DHX29: variants seen among roughly 807,000 people sequenced by gnomAD.
DHX29 encodes the protein DExH-box helicase 29.
DHX29 carries 79 observed loss-of-function variants against 167.9 expected under a neutral mutation model. The ratio of observed to expected loss-of-function variants is 0.47; its 90% confidence interval spans 0.39 to 0.57. DHX29 has a LOEUF of 0.57. Ranked by LOEUF, DHX29 falls within the 20% of genes least tolerant of loss-of-function variation. The pLI is 0.00. For missense variants in DHX29, 1,347 were observed against 1,593.4 expected, an observed-to-expected ratio of 0.85 and a Z score of 2.63; for synonymous variants, 530 against 546.0, an observed-to-expected ratio of 0.97 and a Z score of 0.41.
chr5:55,297,823 A>C (rs529072342), intron 2 of DHX29, among the ~76,000 whole-genome samples: 2 of 152,322 alleles, frequency 1.3e-5, no homozygotes, highest in South Asian at 4.1e-4. Flanking sequence ...TGAAAACTAA[A>C]TATGTCGTAA....
intron 1 of DHX29, among the ~76,000 whole-genome samples, chr5:55,301,737 C>T (rs867223670): frequency 1.1e-5 from 1 of 94,294 alleles, no homozygotes; most frequent in Non-Finnish European, 2.2e-5. Flanking sequence ...AAAAAAAAAA[C>T]AAGAATGATT....
At chr5:55,278,594 CAGTAAGA>C (rs1237911148) in intron 12 of DHX29, among the ~76,000 whole-genome samples, 1 of 152,070 alleles carries the variant, frequency 6.6e-6, no homozygotes, top group African/African-American at 2.4e-5. Context: ...GTTTTCAGTG[CAGTAAGA>C]AGATACTGTA....
At chr5:55,282,327 G>A (rs1367167237) in intron 11 of DHX29, among the ~76,000 whole-genome samples, 2 of 152,154 alleles carry the variant, frequency 1.3e-5, no homozygotes, top group African/African-American at 4.8e-5. Flanking sequence ...CATACTAGGA[G>A]TGCCTAGCGG....
intron 1 of DHX29, among the ~76,000 whole-genome samples, chr5:55,303,333 G>A (rs1321679849): frequency 6.6e-6 from 1 of 152,138 alleles, no homozygotes; most frequent in Admixed American, 6.5e-5. Context: ...GGACTCTGGT[G>A]GTAAACAGAC....
At chr5:55,280,054 T>C (rs1329777144) in intron 12 of DHX29, among the ~76,000 whole-genome samples, 1 of 152,176 alleles carries the variant, frequency 6.6e-6, no homozygotes, top group Non-Finnish European at 1.5e-5. Context: ...CAATTCCTAA[T>C]AGTAAGGCCA....
chr5:55,281,261 G>A (rs1463851496), intron 12 of DHX29, 111 bp downstream of exon 12: 1 of 813,732 alleles, frequency 1.2e-6, no homozygotes, highest in East Asian at 3.5e-5. Flanking sequence ...TATATATAAG[G>A]TATATAATAA....
At chr5:55,285,249 A>G in intron 10 of DHX29, 44 bp downstream of exon 10, 1 of 1,590,140 alleles carries the variant, frequency 6.3e-7, no homozygotes, top group Non-Finnish European at 8.6e-7. Flanking sequence ...ATAATTAAAT[A>G]CTGCCTTCCA....
intron 1 of DHX29, 126 bp from the exon 2 acceptor site, chr5:55,298,790 G>C: frequency 2.4e-6 from 1 of 423,824 alleles, no homozygotes; most frequent in South Asian, 2.8e-5. Context: ...CAGCACTTTG[G>C]GAGGCCGAGG....
In DHX29 at chr5:55,269,633, C is replaced by A. The variant is rs1319664129; in HGVS notation, c.3074G>T (p.Cys1025Phe). ...GAAATCTTCAGGAGAACCAAGATTACATTTCTGCAGATTAAAAAAGCAATA... is the reference window on the plus strand; with the variant it reads ...GAAATCTTCAGGAGAACCAAGATTAAATTTCTGCAGATTAAAAAAGCAATA... ...LEELCLHIMK[C>F]NLGSPEDFLS... The change falls in exon 21 of 27, where the codon TGT (cysteine) becomes TTT (phenylalanine). Residue 1025 changes from cysteine (C) to phenylalanine (F), a missense_variant. Cys to Phe is a radical substitution (Grantham distance 205, BLOSUM62 -2). Around this residue, in one of 3 missense-constraint regions of DHX29, gnomAD observed 882 missense variants for 1,082.4 expected, o/e 0.81. Transcript: ENST00000251636. 6.2e-7 allele frequency: 1 copy of A among 1,611,902 alleles called. No individual in the cohort carries two copies. Among genetic ancestry groups the A allele is most frequent in the South Asian group, 1.1e-5 (1 of 91,032 alleles).
At chr5:55,288,309 T>C (rs1332589922) in intron 8 of DHX29, among the ~76,000 whole-genome samples, 2 of 151,866 alleles carry the variant, frequency 1.3e-5, no homozygotes, top group African/African-American at 4.8e-5. Context: ...ATACTATAAA[T>C]ATTATCTGAC....
chr5:55,278,469 G>A (rs1477952718), intron 12 of DHX29, among the ~76,000 whole-genome samples: 1 of 152,166 alleles, frequency 6.6e-6, no homozygotes, highest in Non-Finnish European at 1.5e-5. Flanking sequence ...TCACAGAGTT[G>A]TGACAATCAA....
chr5:55,270,494 A>T lies in DHX29; in HGVS notation c.2994-7T>A, dbSNP rs773095186. On this transcript the variant is annotated splice_polypyrimidine_tract_variant and splice_region_variant and intron_variant, in intron 19 of 26. Coordinates refer to ENST00000251636, the MANE Select transcript of DHX29 (RefSeq NM_019030.4). ...ATCCATAAAGCCTTCAAATCTGAAAAATAAAGTAATACTAAATACATATTA... is the reference window on the plus strand; with the variant it reads ...ATCCATAAAGCCTTCAAATCTGAAATATAAAGTAATACTAAATACATATTA... The T allele has an allele frequency of 4.2e-5, 68 of 1,613,180 alleles. No individual in the cohort carries two copies. The highest frequency in any genetic ancestry group is 5.7e-5 in the Non-Finnish European group (67 of 1,179,758).
chr5:55,281,301 G>A, intron 12 of DHX29, 71 bp downstream of exon 12: 1 of 1,284,756 alleles, frequency 7.8e-7, no homozygotes, highest in Non-Finnish European at 1.0e-6. Flanking sequence ...ATGTTATCTA[G>A]TATTAGGAGT....
At chr5:55,277,083 C>A in intron 13 of DHX29, 23 bp downstream of exon 13, 1 of 1,567,812 alleles carries the variant, frequency 6.4e-7, no homozygotes, top group Non-Finnish European at 8.7e-7. Flanking sequence ...TCTGCTTATA[C>A]ACACATTATA....
rs1244764329 is a variant in DHX29, at chr5:55,289,425, A to G, written c.911T>C (p.Met304Thr). 2 of 1,524,984 alleles carry G rather than the reference A, an allele frequency of 1.3e-6. No individual in the cohort carries two copies. Among genetic ancestry groups the G allele is most frequent in the Admixed American group, 2.5e-5 (1 of 39,424 alleles). 94.5% of individuals were successfully genotyped at this position (1,524,984 alleles called of 1,614,324 possible). The change falls in exon 8 of 27, where the codon ATG becomes ACG. Residue 304 changes from methionine to threonine, a missense_variant. Coordinates refer to ENST00000251636, the MANE Select transcript of DHX29 (RefSeq NM_019030.4). ...TACTGGATGGTCTTCTAAAGTTTCC[A>G]TTTCTACCAAGAAAAAAATATAATG... ...QEKIRKFQRE[M>T]ETLEDHPVFN...
intron 8 of DHX29, among the ~76,000 whole-genome samples, 164 bp from the exon 9 acceptor site, chr5:55,286,025 C>T (rs554410708): frequency 3.7e-4 from 57 of 152,146 alleles, no homozygotes; most frequent in African/African-American, 1.3e-3. Context: ...GAGGCCGAGG[C>T]GGGTAGATCA....
intron 1 of DHX29, among the ~76,000 whole-genome samples, chr5:55,306,489 T>C (rs542648160): frequency 6.6e-6 from 1 of 152,250 alleles, no homozygotes; most frequent in African/African-American, 2.4e-5. Context: ...CCCTGGCTTT[T>C]CTTTGTGGCA....
chr5:55,285,824 G>A lies in DHX29; in HGVS notation c.1104C>T (p.Asp368=). 1 of 1,589,020 alleles carries A rather than the reference G, an allele frequency of 6.3e-7. No homozygotes were observed. Among genetic ancestry groups the A allele is most frequent in the Non-Finnish European group, 8.6e-7 (1 of 1,164,238 alleles). The stretch of plus-strand genomic sequence containing the variant: ...TTCCAGTCCAACTTCGAGCAGTATA[G>A]TCAAAATTTCTTACATCATGAGGTT... The part of the protein sequence containing the change: ...KKEPHDVRNF[D]YTARSWTGKS... Residue 368 remains aspartate, a synonymous_variant, in exon 9 of 27, where the codon GAC becomes GAT. Coordinates refer to ENST00000251636, the MANE Select transcript of DHX29 (RefSeq NM_019030.4).
In DHX29 at chr5:55,269,568, T is replaced by C; in HGVS notation, c.3139A>G (p.Ser1047Gly). The change falls in exon 21 of 27, where the codon AGC becomes GGC. Residue 1047 changes from serine (S) to glycine (G), a missense_variant. Around this residue, in one of 3 missense-constraint regions of DHX29, gnomAD observed 882 missense variants for 1,082.4 expected, o/e 0.81. Coordinates refer to ENST00000251636, the MANE Select transcript of DHX29 (RefSeq NM_019030.4). ...ALDPPQLQVI[S>G]NAMNLLRKIG... Reference sequence around the variant, plus strand: ...TTTCGGAGCAAATTCATTGCATTGCTGATCACTTGGAGCTGAGGAGGATCT... The same window carrying C: ...TTTCGGAGCAAATTCATTGCATTGCCGATCACTTGGAGCTGAGGAGGATCT... 1.2e-6 allele frequency: 2 copies of C among 1,614,168 alleles called. No homozygotes were observed. The highest frequency in any genetic ancestry group is 8.5e-7 in the Non-Finnish European group (1 of 1,180,028).
Sources: allele counts gnomAD v4.1 joint callset (sites outside exome capture counted in the v4.1 genomes callset), GRCh38; gene constraint gnomAD v4.1.1; regional missense constraint gnomAD v4.1.1; transcripts MANE v1.5; gene names NCBI Gene and HGNC (gene_info 2026-07-23, HGNC 2026-07-21).